HIF3A: variants seen among roughly 807,000 people sequenced by gnomAD.
The protein encoded by HIF3A is hypoxia inducible factor 3 subunit alpha.
HIF3A carries 41 observed loss-of-function variants against 67.2 expected under a neutral mutation model. The observed-to-expected ratio is 0.61, with a 90% CI of 0.48 to 0.79. The LOEUF (loss-of-function observed/expected upper bound fraction) is 0.79. Ranked by LOEUF, HIF3A falls within the 30% of genes least tolerant of loss-of-function variation. The pLI is 0.00. For missense variants in HIF3A, 855 were observed against 898.0 expected, an observed-to-expected ratio of 0.95 and a Z score of 0.61; for synonymous variants, 356 against 374.8, an observed-to-expected ratio of 0.95 and a Z score of 0.58.
In HIF3A at chr19:46,339,652, T is replaced by TC; in HGVS notation, c.*35dup. ...GCTCCTCTCCCCATCTGCCTTCTCC[T>TC]CCCCCAGAAAGGACCTCAACCACAC... On this transcript the variant is annotated 3_prime_UTR_variant, in exon 15 of 15. Transcript: ENST00000377670. The TC allele has an allele frequency of 6.6e-7, 1 of 1,509,442 alleles. No individual in the cohort carries two copies. The highest frequency in any genetic ancestry group is 1.4e-5 in the African/African-American group (1 of 71,798). 93.5% of individuals were successfully genotyped at this position (1,509,442 alleles called of 1,614,324 possible).
chr19:46,320,579 G>A lies in HIF3A; in HGVS notation c.1144+18G>A. On this transcript the variant is annotated intron_variant, in intron 9 of 14. Transcript: ENST00000377670. ...CAGCCTTGGTATGGGGCAGGGCTGG[G>A]GCCGGGAGGGGTTGTGTCCCCAGGG... 1.3e-6 allele frequency: 2 copies of A among 1,589,326 alleles called. No individual in the cohort carries two copies. The highest frequency in any genetic ancestry group is 1.7e-5 in the Admixed American group (1 of 59,858).
Position 46,312,240 on chromosome 19 carries a change from G to T in HIF3A, c.850G>T (p.Asp284Tyr). 6.2e-7 allele frequency: 1 copy of T among 1,613,902 alleles called. No homozygotes were observed. The highest frequency in any genetic ancestry group is 1.1e-5 in the South Asian group (1 of 91,072). The change falls in exon 7 of 15, where the codon GAT becomes TAT. Residue 284 changes from aspartate (D) to tyrosine (Y), a missense_variant. Asp to Tyr is a radical substitution (Grantham distance 160, BLOSUM62 -3). Around this residue, in one of 3 missense-constraint regions of HIF3A, gnomAD observed 638 missense variants for 660.5 expected, o/e 0.97. Coordinates refer to ENST00000377670, the MANE Select transcript of HIF3A (RefSeq NM_152795.4). ...AYEYIHALDSDAVSKSIHTLL... is the reference protein window; with the variant it reads ...AYEYIHALDSYAVSKSIHTLL... ...CGAGTACATCCACGCGCTGGACTCC[G>T]ATGCGGTCAGCAAGAGCATCCACAC...
chr19:46,323,922 G>A lies in HIF3A; in HGVS notation c.1336-1613G>A, dbSNP rs1194650205. Among the ~76,000 whole-genome samples, 4 of 152,156 alleles carry A rather than the reference G, an allele frequency of 2.6e-5. No homozygotes were observed. In the East Asian group the frequency reaches 5.8e-4, roughly 22 times the overall value. On this transcript the variant is annotated intron_variant, in intron 10 of 14. Coordinates refer to ENST00000377670, the MANE Select transcript of HIF3A (RefSeq NM_152795.4). ...TCGCTGACCAGGTCCCTCCCACAGT[G>A]TGTGGGAATTATGGGACTATAGTTC... is the stretch of plus-strand genomic sequence containing the variant.
chr19:46,315,921 TA>T (rs943185786), intron 8 of HIF3A, among the ~76,000 whole-genome samples: 2 of 139,122 alleles, frequency 1.4e-5, no homozygotes, highest in Non-Finnish European at 3.1e-5. Flanking sequence ...CTCAAAAAAT[TA>T]AAAAAAAGAA....
At position 46,342,381 on chromosome 19, in the gene HIF3A, TTTTG is replaced by T. The variant is rs1917960957; in HGVS notation, c.*2763_*2766del. 6.7e-6 allele frequency: 1 copy of T among 149,942 alleles called. No homozygotes were observed. The allele number at this position is 149,942 out of a possible 1,614,324, so 9.3% of individuals were successfully genotyped here. ...TGGTTCTAGAACTCAGATTTTAGGCTTTTGTTTTTCCTTTTTTTTGTTAAAAAAA... is the reference window on the plus strand; with the variant it reads ...TGGTTCTAGAACTCAGATTTTAGGCTTTTTTCCTTTTTTTTGTTAAAAAAA... On this transcript the variant is annotated 3_prime_UTR_variant, in exon 15 of 15. Coordinates refer to ENST00000377670, the MANE Select transcript of HIF3A (RefSeq NM_152795.4).
At chr19:46,319,968 G>A (rs1970230129) in intron 8 of HIF3A, among the ~76,000 whole-genome samples, 3 of 152,130 alleles carry the variant, frequency 2.0e-5, no homozygotes, top group African/African-American at 7.2e-5. Flanking sequence ...AGTGGCTCAC[G>A]CCTGTAATCA....
chr19:46,305,086 C>G (rs771322896), intron 2 of HIF3A, 159 bp from the exon 3 acceptor site: 273 of 1,019,790 alleles, frequency 2.7e-4, no homozygotes, highest in Middle Eastern at 1.0e-3. Flanking sequence ...TGCTTTCTTC[C>G]TTGGGAATCC....
At chr19:46,330,297 G>T (rs986193156) in intron 12 of HIF3A, among the ~76,000 whole-genome samples, 1 of 151,992 alleles carries the variant, frequency 6.6e-6, no homozygotes, top group Non-Finnish European at 1.5e-5. Context: ...GGATGCATAG[G>T]TCGATGGAAG....
chr19:46,341,633 C>CTTTTTTTTT lies in HIF3A; in HGVS notation c.*2011_*2012insTTTTTTTTT, dbSNP rs1568556736. On this transcript the variant is annotated 3_prime_UTR_variant, in exon 15 of 15. Coordinates refer to ENST00000377670, the MANE Select transcript of HIF3A (RefSeq NM_152795.4). Reference sequence around the variant, plus strand: ...TTGATGTGTTTATCTCTTTTTTCTTCCTCTTCTTTTTTTTTTTTTTCTTTT... The same window carrying CTTTTTTTTT: ...TTGATGTGTTTATCTCTTTTTTCTTCTTTTTTTTTCTCTTCTTTTTTTTTTTTTTCTTTT... 1 of 149,888 alleles carries CTTTTTTTTT rather than the reference C, an allele frequency of 6.7e-6. No homozygotes were observed. The highest frequency in any genetic ancestry group is 2.5e-5 in the African/African-American group (1 of 39,812). 9.3% of individuals were successfully genotyped at this position (149,888 alleles called of 1,614,324 possible). A position where few individuals can be genotyped will look rare whatever the true frequency, so the allele number is the denominator to read the frequency against.
chr19:46,311,686 C>A (rs911994472), intron 6 of HIF3A, among the ~76,000 whole-genome samples: 4 of 151,838 alleles, frequency 2.6e-5, no homozygotes, highest in African/African-American at 9.7e-5. Flanking sequence ...CATAGTGAGA[C>A]CCCCATCTCT....
chr19:46,313,377 C>A, intron 8 of HIF3A: 10 of 926,720 alleles, frequency 1.1e-5, no homozygotes, highest in Non-Finnish European at 1.3e-5. Context: ...AATCCCAGAA[C>A]TTTGGGAGGC....
intron 2 of HIF3A, among the ~76,000 whole-genome samples, chr19:46,304,748 T>C (rs1471064151): frequency 6.6e-6 from 1 of 152,080 alleles, no homozygotes; most frequent in Admixed American, 6.5e-5. Flanking sequence ...CCCTGCCCCA[T>C]AGAATTTTAC....
chr19:46,305,495 A>G (rs748757701), intron 3 of HIF3A, 105 bp downstream of exon 3: 4 of 1,100,776 alleles, frequency 3.6e-6, no homozygotes, highest in Non-Finnish European at 5.3e-6. Flanking sequence ...CTCACAATAC[A>G]AAGGGGATAT....
chr19:46,328,047 T>C (rs1192097526), intron 11 of HIF3A, among the ~76,000 whole-genome samples: 1 of 152,220 alleles, frequency 6.6e-6, no homozygotes, highest in Non-Finnish European at 1.5e-5. Context: ...GCCCATGTAA[T>C]TGAATTCAGT....
intron 11 of HIF3A, 26 bp from the exon 12 acceptor site, chr19:46,329,181 T>A (rs777616168): frequency 6.4e-7 from 1 of 1,568,354 alleles, no homozygotes; most frequent in Non-Finnish European, 8.7e-7. Context: ...AGGCTCATCC[T>A]CTTACCTCCC....
intron 6 of HIF3A, among the ~76,000 whole-genome samples, chr19:46,311,169 G>T (rs1969396690): frequency 6.6e-6 from 1 of 150,602 alleles, no homozygotes; most frequent in South Asian, 2.1e-4. Context: ...TCTTTTCTTA[G>T]CTCTTCTTCC....
At position 46,303,615 on chromosome 19, in the gene HIF3A, G is replaced by T; in HGVS notation, c.27-283G>T. ...ATAAACTGCAGATAAGTCAGGGAGG[G>T]GACAGAGCGGCCCTAGGCGCGCCAC... is the stretch of plus-strand genomic sequence containing the variant. On this transcript the variant is annotated intron_variant, in intron 1 of 14. Coordinates refer to ENST00000377670, the MANE Select transcript of HIF3A (RefSeq NM_152795.4). The T allele has an allele frequency of 8.3e-6, 13 of 1,566,246 alleles. No individual in the cohort carries two copies. The South Asian group carries it at 1.4e-4, about 17-fold the overall frequency.
intron 13 of HIF3A, among the ~76,000 whole-genome samples, chr19:46,334,517 G>A (rs1170713553): frequency 1.3e-5 from 2 of 152,130 alleles, no homozygotes; most frequent in Admixed American, 1.3e-4. Flanking sequence ...TTACAGGCAT[G>A]AGCCACTGCA....
chr19:46,308,888 G>A, intron 5 of HIF3A, 113 bp downstream of exon 5: 1 of 747,100 alleles, frequency 1.3e-6, no homozygotes, highest in Non-Finnish European at 2.2e-6. Flanking sequence ...ACCCTGCGGG[G>A]CTCACTCAGG....
Sources: gnomAD v4.1 joint callset for allele counts (sites outside exome capture counted in the v4.1 genomes callset) on GRCh38, gnomAD v4.1.1 for gene constraint, gnomAD v4.1.1 regional missense constraint, MANE v1.5 for transcripts, NCBI Gene and HGNC (gene_info 2026-07-23, HGNC 2026-07-21) for gene names.